The following DZIP3 variants were observed in gnomAD, a reference collection of about 807,000 sequenced individuals.
The protein encoded by DZIP3 is E3 ubiquitin-protein ligase DZIP3.
A neutral mutation model predicts 162.0 loss-of-function variants in DZIP3; 118 were observed. That is an observed-to-expected ratio of 0.73 (90% CI 0.63 to 0.85). DZIP3 has a LOEUF of 0.85. Ranked by LOEUF, DZIP3 falls within the 40% of genes least tolerant of loss-of-function variation. The pLI, the probability that DZIP3 is intolerant of heterozygous loss-of-function variation, is 0.00. For synonymous variants in DZIP3, 438 were observed against 458.6 expected, an observed-to-expected ratio of 0.96 and a Z score of 0.57; for missense variants, 1,331 against 1,407.0, an observed-to-expected ratio of 0.95 and a Z score of 0.86.
At chr3:108,693,303 A>G (rs1944771071) in intron 32 of DZIP3, 57 bp from the exon 33 acceptor site, 1 of 152,116 alleles carries the variant, frequency 6.6e-6, no homozygotes, top group Admixed American at 6.6e-5. Context: ...CCTAAAAAAT[A>G]TAATTGATTT....
At chr3:108,682,651 T>G (rs900338217) in intron 26 of DZIP3, among the ~76,000 whole-genome samples, 7 of 150,562 alleles carry the variant, frequency 4.6e-5, no homozygotes, top group Admixed American at 2.6e-4. Flanking sequence ...GGTTGGTTGG[T>G]CAATGGGTAC....
At chr3:108,599,376 A>G (rs570606508) in intron 1 of DZIP3, among the ~76,000 whole-genome samples, 2 of 152,220 alleles carry the variant, frequency 1.3e-5, no homozygotes, top group African/African-American at 2.4e-5. Context: ...TTTATTTTGT[A>G]GCTTTACCAG....
rs1942547927 is a variant in DZIP3, at chr3:108,644,668, A to T, written c.1646A>T (p.Lys549Ile). 1.2e-6 allele frequency: 2 copies of T among 1,613,950 alleles called. No individual in the cohort carries two copies. The highest frequency in any genetic ancestry group is 1.3e-5 in the African/African-American group (1 of 75,044). The change falls in exon 14 of 33, where the codon AAA becomes ATA. Residue 549 changes from lysine (K) to isoleucine (I), a missense_variant. Lys to Ile is a moderately radical substitution (Grantham distance 102, BLOSUM62 -3). This residue lies in a region of DZIP3 where 1,278 missense variants were observed against 1,317.1 expected (regional missense o/e 0.97). Transcript: ENST00000361582. ...RLGMMQEDIDKVKENPIENIS... is the reference protein window; with the variant it reads ...RLGMMQEDIDIVKENPIENIS... ...GGGATGATGCAAGAGGATATTGACA[A>T]AGTGAAGGAGAATCCCATTGAGAAT...
chr3:108,691,773 AGTTTCATGGCCAT>A (rs1383733610), intron 32 of DZIP3, among the ~76,000 whole-genome samples: 1 of 152,190 alleles, frequency 6.6e-6, no homozygotes, highest in African/African-American at 2.4e-5. Context: ...TCTCAGGTGC[AGTTTCATGGCCAT>A]GAAGAAGACA....
At chr3:108,687,102 A>C (rs114923459) in intron 28 of DZIP3, among the ~76,000 whole-genome samples, 1,981 of 152,264 alleles carry the variant, frequency 0.013, 42 homozygotes, top group African/African-American at 0.045. Context: ...ATATTCCTAC[A>C]CAAATGAAGT....
intron 21 of DZIP3, among the ~76,000 whole-genome samples, chr3:108,666,786 A>G (rs1313864710): frequency 2.0e-5 from 3 of 152,176 alleles, no homozygotes; most frequent in African/African-American, 4.8e-5. Context: ...ACCCATGTCT[A>G]AATAATCCAT....
chr3:108,597,943 A>T (rs1939795337), intron 1 of DZIP3, among the ~76,000 whole-genome samples: 1 of 152,212 alleles, frequency 6.6e-6, no homozygotes, highest in South Asian at 2.1e-4. Context: ...TTGAGAGATC[A>T]TTTAGCCAGG....
At chr3:108,689,005 C>G (rs1485557026) in intron 31 of DZIP3, 81 bp downstream of exon 31, 6 of 1,327,390 alleles carry the variant, frequency 4.5e-6, no homozygotes, top group Non-Finnish European at 6.4e-6. Context: ...GTATCATTAT[C>G]CATTGTTGTC....
At chr3:108,645,493 T>C (rs2107648084) in intron 14 of DZIP3, among the ~76,000 whole-genome samples, 1 of 152,328 alleles carries the variant, frequency 6.6e-6, no homozygotes, top group Admixed American at 6.5e-5. Context: ...TGTCTATTGA[T>C]ACGGAAAAGA....
Position 108,688,890 on chromosome 3 carries a change from C to T in DZIP3, c.3482C>T (p.Ser1161Leu). 3 of 1,614,182 alleles carry T rather than the reference C, an allele frequency of 1.9e-6. No individual in the cohort carries two copies. The highest frequency in any genetic ancestry group is 2.2e-5 in the East Asian group (1 of 44,878). ...CHENLSPENL[S>L]VLPCAHKFHA... ...GAGAATCTGTCTCCAGAAAATCTTTCAGTTTTGCCTTGCGCTCACAAATTC... is the reference window on the plus strand; with the variant it reads ...GAGAATCTGTCTCCAGAAAATCTTTTAGTTTTGCCTTGCGCTCACAAATTC... Residue 1161 changes from serine to leucine, a missense_variant, in exon 31 of 33, where the codon TCA (serine) becomes TTA (leucine). Around this residue, in one of 2 missense-constraint regions of DZIP3, gnomAD observed 53 missense variants for 89.9 expected, o/e 0.59. Transcript: ENST00000361582.
chr3:108,590,641 A>G (rs1251059634), intron 1 of DZIP3, among the ~76,000 whole-genome samples: 2 of 152,220 alleles, frequency 1.3e-5, no homozygotes, highest in Admixed American at 6.5e-5. Context: ...CTAGTAAGGG[A>G]AACATACAAA....
intron 8 of DZIP3, among the ~76,000 whole-genome samples, chr3:108,631,935 G>C (rs940620087): frequency 6.6e-6 from 1 of 151,604 alleles, no homozygotes; most frequent in Non-Finnish European, 1.5e-5. Context: ...TTATTATTCA[G>C]ATGCCTTGTA....
intron 7 of DZIP3, among the ~76,000 whole-genome samples, chr3:108,627,553 T>A (rs758566693): frequency 1.3e-5 from 2 of 152,340 alleles, no homozygotes; most frequent in African/African-American, 2.4e-5. Context: ...TCTTCTTAAT[T>A]TACTATAGAC....
At chr3:108,631,053 A>ACTCTCTCTCTCTCTCTCT (rs1559741298) in intron 8 of DZIP3, among the ~76,000 whole-genome samples, 11 of 32,286 alleles carry the variant, frequency 3.4e-4, no homozygotes, top group Admixed American at 9.1e-4. Flanking sequence ...ACACACACAC[A>ACTCTCTCTCTCTCTCTCT]CACTCTCTCT....
intron 26 of DZIP3, among the ~76,000 whole-genome samples, chr3:108,680,377 T>A (rs1010938626): frequency 1.3e-5 from 2 of 152,038 alleles, no homozygotes; most frequent in African/African-American, 4.8e-5. Context: ...AGACAAATGA[T>A]CTTATATATA....
intron 1 of DZIP3, among the ~76,000 whole-genome samples, chr3:108,591,879 C>T (rs1939437443): frequency 6.6e-6 from 1 of 151,688 alleles, no homozygotes; most frequent in Non-Finnish European, 1.5e-5. Flanking sequence ...ACTTGTAGTC[C>T]TAGCTACTCT....
At chr3:108,621,231 TGA>T (rs1263994886) in intron 5 of DZIP3, among the ~76,000 whole-genome samples, 6 of 152,202 alleles carry the variant, frequency 3.9e-5, no homozygotes, top group Non-Finnish European at 8.8e-5. Context: ...ACAGAGTGAA[TGA>T]GAGTTTTTGA....
intron 1 of DZIP3, among the ~76,000 whole-genome samples, chr3:108,592,813 A>G (rs1466529246): frequency 2.6e-5 from 4 of 151,688 alleles, no homozygotes; most frequent in African/African-American, 9.7e-5. Context: ...ATTTATCATT[A>G]CGTTTATTCT....
intron 6 of DZIP3, 36 bp downstream of exon 6, chr3:108,624,560 T>A: frequency 8.1e-7 from 1 of 1,232,264 alleles, no homozygotes. Context: ...ATAAATCTTT[T>A]TACATCTTGG....
Sources: allele counts gnomAD v4.1 joint callset (sites outside exome capture counted in the v4.1 genomes callset), GRCh38; gene constraint gnomAD v4.1.1; regional missense constraint gnomAD v4.1.1; transcripts MANE v1.5; gene names NCBI Gene and HGNC (gene_info 2026-07-23, HGNC 2026-07-21).